The following PCDH11Y variants were observed in gnomAD, a reference collection of about 807,000 sequenced individuals.
PCDH11Y encodes protocadherin 11 Y-linked.
For missense variants in PCDH11Y, 12 were observed against 224.8 expected (o/e 0.05, Z 6.05); for synonymous variants, 9 against 83.6 (o/e 0.11, Z 4.87).
At chrY:5,337,746 C>T in intron 2 of PCDH11Y, 1 of 371,735 alleles carries the variant, frequency 2.7e-6, no homozygotes, top group Non-Finnish European at 3.7e-6. Flanking sequence ...GACAGCCCCT[C>T]AGATGAGGTC....
chrY:5,476,236 A>G (rs4030014), intron 2 of PCDH11Y, among the ~76,000 whole-genome samples: 1 of 29,308 alleles, frequency 3.4e-5, no homozygotes, highest in African/African-American at 1.3e-4. Context: ...TTAGCTTAAG[A>G]CAAAAACACA....
chrY:5,534,271 G>A, intron 3 of PCDH11Y, among the ~76,000 whole-genome samples: 1 of 32,872 alleles, frequency 3.0e-5, no homozygotes, highest in African/African-American at 1.2e-4. Context: ...ATTTATCTGT[G>A]TTTTGTTTTT....
chrY:5,154,626 G>A (rs2052867527), intron 2 of PCDH11Y, among the ~76,000 whole-genome samples: 1 of 27,815 alleles, frequency 3.6e-5, no homozygotes, highest in Non-Finnish European at 8.5e-5. Flanking sequence ...AAGCTTTAGT[G>A]GTGTGTGTGT....
intron 2 of PCDH11Y, among the ~76,000 whole-genome samples, chrY:5,405,441 C>G: frequency 3.3e-5 from 1 of 30,683 alleles, no homozygotes; most frequent in African/African-American, 1.3e-4. Context: ...CCCACTTGGG[C>G]CTCCCAAAGT....
chrY:5,545,028 C>G, intron 3 of PCDH11Y, among the ~76,000 whole-genome samples: 1 of 31,901 alleles, frequency 3.1e-5, no homozygotes, highest in African/African-American at 1.2e-4. Context: ...AAAGGAAATA[C>G]TACTTCTAAC....
chrY:5,395,818 G>C, intron 2 of PCDH11Y, among the ~76,000 whole-genome samples: 1 of 34,482 alleles, frequency 2.9e-5, no homozygotes, highest in Non-Finnish European at 7.2e-5. Context: ...GAGTGCAGTG[G>C]TGCAATCACA....
intron 3 of PCDH11Y, among the ~76,000 whole-genome samples, chrY:5,540,934 A>T: frequency 2.8e-5 from 1 of 36,250 alleles, no homozygotes; most frequent in South Asian, 5.6e-4. Flanking sequence ...AAATTATATT[A>T]TATTTGCATA....
intron 2 of PCDH11Y, among the ~76,000 whole-genome samples, chrY:5,325,733 G>A: frequency 3.0e-5 from 1 of 33,085 alleles, no homozygotes; most frequent in Admixed American, 2.8e-4. Flanking sequence ...ACAAGAGCAG[G>A]GCATGTATGA....
intron 1 of PCDH11Y, among the ~76,000 whole-genome samples, chrY:5,097,357 A>G (rs2124635114): frequency 3.2e-5 from 1 of 31,711 alleles, no homozygotes; most frequent in Non-Finnish European, 7.6e-5. Context: ...TCTTGGAGGA[A>G]TATTTTTATT....
intron 4 of PCDH11Y, among the ~76,000 whole-genome samples, chrY:5,601,613 T>C: frequency 3.0e-5 from 1 of 33,009 alleles, no homozygotes. Context: ...ATAACTAAGG[T>C]AGAATTTTTT....
chrY:5,465,163 A>G, intron 2 of PCDH11Y, among the ~76,000 whole-genome samples: 1 of 33,504 alleles, frequency 3.0e-5, no homozygotes, highest in Non-Finnish European at 7.4e-5. Context: ...TTAATTTCAA[A>G]CTTCTGAGTA....
At chrY:5,112,080 A>G in intron 2 of PCDH11Y, among the ~76,000 whole-genome samples, 1 of 33,578 alleles carries the variant, frequency 3.0e-5, no homozygotes, top group Non-Finnish European at 7.4e-5. Flanking sequence ...TACATTTACA[A>G]TGTTATTGTC....
chrY:5,062,074 C>T, intron 1 of PCDH11Y, among the ~76,000 whole-genome samples: 1 of 32,421 alleles, frequency 3.1e-5, no homozygotes, highest in African/African-American at 1.2e-4. Flanking sequence ...TTTAAAATTG[C>T]CAAGAATGAG....
chrY:5,594,918 C>T (rs2124698874), intron 4 of PCDH11Y, among the ~76,000 whole-genome samples: 1 of 33,222 alleles, frequency 3.0e-5, no homozygotes, highest in East Asian at 8.1e-4. Context: ...ACCAAACCCT[C>T]TGCACTCCTC....
chrY:5,244,797 C>T (rs2052993798), intron 2 of PCDH11Y, among the ~76,000 whole-genome samples: 1 of 34,095 alleles, frequency 2.9e-5, no homozygotes, highest in Non-Finnish European at 7.3e-5. Context: ...GTCATTTGAG[C>T]TCCTTGTGGG....
At chrY:5,307,642 G>T in intron 2 of PCDH11Y, among the ~76,000 whole-genome samples, 1 of 32,640 alleles carries the variant, frequency 3.1e-5, no homozygotes, top group South Asian at 6.7e-4. Context: ...ATGGTTGACA[G>T]CCTAGATCCT....
At chrY:5,329,540 A>G in intron 2 of PCDH11Y, among the ~76,000 whole-genome samples, 1 of 32,720 alleles carries the variant, frequency 3.1e-5, no homozygotes, top group Non-Finnish European at 7.5e-5. Flanking sequence ...CCAAGGGTGA[A>G]GGACCAAGTC....
chrY:5,350,909 T>C (rs2053157622), intron 2 of PCDH11Y, among the ~76,000 whole-genome samples: 1 of 32,069 alleles, frequency 3.1e-5, no homozygotes, highest in African/African-American at 1.2e-4. Flanking sequence ...AAATGTTCTC[T>C]CGCCGGGAGT....
intron 2 of PCDH11Y, among the ~76,000 whole-genome samples, chrY:5,280,268 C>A: frequency 3.1e-5 from 1 of 32,375 alleles, no homozygotes; most frequent in Non-Finnish European, 7.5e-5. Flanking sequence ...TCTCTGGATC[C>A]TTTCCCTCCT....
Sources: allele counts gnomAD v4.1 joint callset (sites outside exome capture counted in the v4.1 genomes callset), GRCh38; gene constraint gnomAD v4.1.1; transcripts MANE v1.5; gene names NCBI Gene and HGNC (gene_info 2026-07-23, HGNC 2026-07-21).